SPATA16: variants seen among roughly 807,000 people sequenced by gnomAD.
SPATA16 encodes spermatogenesis-associated protein 16.
Under a neutral mutation model 63.3 loss-of-function variants are expected in SPATA16, and 36 were observed. The observed-to-expected ratio is 0.57, with a 90% CI of 0.44 to 0.75. The LOEUF (loss-of-function observed/expected upper bound fraction) is 0.75, where lower values mean the gene tolerates loss of function less well. Among genes scored for constraint, SPATA16 ranks in the 30% least tolerant of loss-of-function variants. The pLI is 0.00. For missense variants in SPATA16, 646 were observed against 679.3 expected (o/e 0.95, Z 0.54); for synonymous variants, 203 against 216.7 (o/e 0.94, Z 0.56).
intron 7 of SPATA16, 38 bp downstream of exon 7, chr3:172,925,308 C>T (rs376919972): frequency 6.9e-5 from 111 of 1,612,494 alleles, no homozygotes; most frequent in Admixed American, 3.7e-4. Context: ...TCATCACAGG[C>T]TACTATATGC....
chr3:172,969,680 G>T (rs73882555), intron 5 of SPATA16, among the ~76,000 whole-genome samples: 2,942 of 152,252 alleles, frequency 0.019, 84 homozygotes, highest in African/African-American at 0.068. Context: ...AGCAATTTTG[G>T]TAGATTGAGT....
chr3:172,982,321 C>T (rs887909185), intron 4 of SPATA16, among the ~76,000 whole-genome samples: 3 of 152,048 alleles, frequency 2.0e-5, no homozygotes, highest in African/African-American at 7.2e-5. Flanking sequence ...CTAATTTGTC[C>T]AATGCAAAAT....
chr3:173,137,862 C>T (rs1198078164), intron 1 of SPATA16, among the ~76,000 whole-genome samples: 1 of 151,120 alleles, frequency 6.6e-6, no homozygotes, highest in Non-Finnish European at 1.5e-5. Flanking sequence ...CACACACACA[C>T]ACACACACAC....
chr3:172,992,530 T>C (rs555471860), intron 4 of SPATA16, among the ~76,000 whole-genome samples: 5 of 151,988 alleles, frequency 3.3e-5, no homozygotes, highest in Non-Finnish European at 5.9e-5. Context: ...GGTGTGTGTG[T>C]TGGCTTGGTG....
intron 4 of SPATA16, among the ~76,000 whole-genome samples, chr3:172,981,183 T>A (rs1235163119): frequency 6.6e-6 from 1 of 152,168 alleles, no homozygotes; most frequent in Non-Finnish European, 1.5e-5. Flanking sequence ...CATCCTCCCT[T>A]GCAGTTATCT....
intron 6 of SPATA16, among the ~76,000 whole-genome samples, chr3:172,947,304 ACTCT>A (rs71756820): frequency 0.036 from 5,412 of 152,150 alleles, 149 homozygotes; most frequent in Admixed American, 0.1. Context: ...CTTCAAATAA[ACTCT>A]TTATGCCCAG....
Position 173,117,614 on chromosome 3 carries a change from T to C in SPATA16, c.118A>G (p.Ile40Val). The stretch of plus-strand genomic sequence containing the variant: ...TTAATCTCTTGTGACATTTCCAGGA[T>C]GTTAGGTGGGTGCGCTAAGGTGGAC... Reference protein sequence around the residue: ...KMSTLAHPPNILEMSQEIKKN... With the variant: ...KMSTLAHPPNVLEMSQEIKKN... The change falls in exon 2 of 11, where the codon ATC (isoleucine) becomes GTC (valine). Residue 40 changes from isoleucine (I) to valine (V), a missense_variant. Physicochemically the swap from Ile to Val is conservative, Grantham distance 29. Coordinates refer to ENST00000351008, the MANE Select transcript of SPATA16 (RefSeq NM_031955.6). 6.2e-7 allele frequency: 1 copy of C among 1,613,996 alleles called. No individual in the cohort carries two copies. Among genetic ancestry groups the C allele is most frequent in the Non-Finnish European group, 8.5e-7 (1 of 1,179,878 alleles).
intron 10 of SPATA16, among the ~76,000 whole-genome samples, chr3:172,902,267 C>T (rs1732141373): frequency 6.6e-6 from 1 of 152,142 alleles, no homozygotes; most frequent in Admixed American, 6.5e-5. Flanking sequence ...GCCTCGAACT[C>T]CTGACCTCAG....
At position 173,011,837 on chromosome 3, in the gene SPATA16, G is replaced by A. The variant is rs1278766869; in HGVS notation, c.848+7649C>T. Among the ~76,000 whole-genome samples, 6 of 152,160 alleles carry A rather than the reference G, an allele frequency of 3.9e-5. 1 individual carries two copies. In the South Asian group the frequency reaches 8.3e-4, roughly 21 times the overall value. ...TGTTTTTAGAGACAGGGTCTCACTA[G>A]GAGACAGAGTCTGAACTCTAGGATG... is the stretch of plus-strand genomic sequence containing the variant. On this transcript the variant is annotated intron_variant, in intron 4 of 10. Transcript: ENST00000351008.
In SPATA16 at chr3:172,889,423, G is replaced by C; in HGVS notation, c.*147C>G. On this transcript the variant is annotated 3_prime_UTR_variant, in exon 11 of 11. Coordinates refer to ENST00000351008, the MANE Select transcript of SPATA16 (RefSeq NM_031955.6). The stretch of plus-strand genomic sequence containing the variant: ...GATTAATGAAACATAGAGTGTCTTT[G>C]GTAAAGATGAACTGAGGGGAATACC... The C allele has an allele frequency of 1.8e-6, 2 of 1,108,608 alleles. No homozygotes were observed. Among genetic ancestry groups the C allele is most frequent in the South Asian group, 2.6e-5 (2 of 76,376 alleles). The allele number at this position is 1,108,608 out of a possible 1,614,324, so 68.7% of individuals were successfully genotyped here.
chr3:173,086,853 T>C (rs1737070756), intron 2 of SPATA16, among the ~76,000 whole-genome samples: 1 of 152,138 alleles, frequency 6.6e-6, no homozygotes, highest in Admixed American at 6.6e-5. Flanking sequence ...TTTGAGTGAG[T>C]TTCTTAATCT....
chr3:172,911,772 T>A (rs866415091), intron 10 of SPATA16, among the ~76,000 whole-genome samples: 5 of 152,182 alleles, frequency 3.3e-5, no homozygotes, highest in African/African-American at 4.8e-5. Flanking sequence ...ATCCCATCAG[T>A]TGAACAAGGC....
chr3:173,037,146 A>G (rs1735731349), intron 3 of SPATA16, among the ~76,000 whole-genome samples: 1 of 152,080 alleles, frequency 6.6e-6, no homozygotes, highest in African/African-American at 2.4e-5. Flanking sequence ...TAACTACAAG[A>G]ATGAAGATGA....
chr3:173,139,090 A>G (rs1038379400), intron 1 of SPATA16, among the ~76,000 whole-genome samples: 5 of 152,228 alleles, frequency 3.3e-5, no homozygotes, highest in African/African-American at 1.2e-4. Flanking sequence ...AGTTAATTAT[A>G]ATATCTGCCT....
intron 2 of SPATA16, among the ~76,000 whole-genome samples, chr3:173,060,057 G>A (rs1736342575): frequency 6.6e-6 from 1 of 151,854 alleles, no homozygotes; most frequent in African/African-American, 2.4e-5. Flanking sequence ...AGGAGTTTGA[G>A]ACCAGCCTGG....
intron 4 of SPATA16, among the ~76,000 whole-genome samples, chr3:173,013,739 T>C (rs1297607446): frequency 2.0e-5 from 3 of 152,226 alleles, no homozygotes; most frequent in African/African-American, 4.8e-5. Context: ...TCAGGCCTGC[T>C]CAGAGGCTCA....
intron 4 of SPATA16, among the ~76,000 whole-genome samples, chr3:172,989,250 T>A (rs76515699): frequency 0.043 from 6,619 of 152,202 alleles, 486 homozygotes; most frequent in African/African-American, 0.15. Context: ...AGTACACAGT[T>A]TATCTAGAGA....
intron 3 of SPATA16, among the ~76,000 whole-genome samples, chr3:173,038,334 G>T (rs996076265): frequency 6.6e-6 from 1 of 152,028 alleles, no homozygotes; most frequent in African/African-American, 2.4e-5. Context: ...GTTGCCTTGA[G>T]AACAAGACAC....
chr3:173,059,311 T>C (rs2108299555), intron 2 of SPATA16, among the ~76,000 whole-genome samples: 1 of 151,100 alleles, frequency 6.6e-6, no homozygotes, highest in African/African-American at 2.4e-5. Context: ...TCCTTAGGTT[T>C]TTGTTTTCTT....
Sources: gnomAD v4.1 joint callset for allele counts (sites outside exome capture counted in the v4.1 genomes callset) on GRCh38, gnomAD v4.1.1 for gene constraint, MANE v1.5 for transcripts, NCBI Gene and HGNC (gene_info 2026-07-23, HGNC 2026-07-21) for gene names.